The following GFRAL variants were observed in gnomAD, a reference collection of about 807,000 sequenced individuals.
GFRAL encodes the protein GDNF family receptor alpha-like.
In GFRAL, 36 loss-of-function variants were observed where a neutral mutation model predicts 45.4. The observed-to-expected ratio is 0.79, with a 90% CI of 0.61 to 1.05. The LOEUF (loss-of-function observed/expected upper bound fraction) is 1.05, where lower values mean the gene tolerates loss of function less well. Ranked by LOEUF, GFRAL falls within the 50% of genes least tolerant of loss-of-function variation. The pLI is 0.00. For synonymous variants in GFRAL, 166 were observed against 154.1 expected, an observed-to-expected ratio of 1.08 and a Z score of -0.57; for missense variants, 507 against 467.5, an observed-to-expected ratio of 1.08 and a Z score of -0.78.
chr6:55,366,896 G>A (rs1479816008), intron 6 of GFRAL, among the ~76,000 whole-genome samples: 1 of 92,444 alleles, frequency 1.1e-5, no homozygotes, highest in African/African-American at 5.6e-5. Flanking sequence ...GTGGTGTGGT[G>A]CTGAAAAAAA....
At position 55,352,160 on chromosome 6, in the gene GFRAL, G is replaced by A. The variant is rs1768126755; in HGVS notation, c.701+577G>A. Among the ~76,000 whole-genome samples the A allele has an allele frequency of 2.6e-5, 4 of 152,038 alleles. No individual in the cohort carries two copies. The South Asian group carries it at 8.3e-4, about 32-fold the overall frequency. ...CAAGCTACATGGAGTTCCCAAGGAG[G>A]CAGTTCTCCTTAGTACTTCTCATTC... is the stretch of plus-strand genomic sequence containing the variant. On this transcript the variant is annotated intron_variant, in intron 5 of 8. Transcript: ENST00000340465.
intron 3 of GFRAL, among the ~76,000 whole-genome samples, chr6:55,342,853 CA>C (rs1233701277): frequency 7.9e-5 from 12 of 151,392 alleles, no homozygotes; most frequent in South Asian, 6.3e-4. Flanking sequence ...AAATGGAAAA[CA>C]AAAAAAGGCA....
Position 55,399,219 on chromosome 6 carries a change from A to G in GFRAL, c.992A>G (p.Tyr331Cys), listed in dbSNP as rs1162760912. 5 of 1,607,026 alleles carry G rather than the reference A, an allele frequency of 3.1e-6. No individual in the cohort carries two copies. The highest frequency in any genetic ancestry group is 4.3e-6 in the Non-Finnish European group (5 of 1,175,350). ...TLSNVKGMAL[Y>C]TRKHANKITL... ...TCTAATGTCAAAGGCATGGCATTGT[A>G]TACAAGAAAACATGCAAACAAAATC... Residue 331 changes from tyrosine to cysteine, a missense_variant, in exon 7 of 9, where the codon TAT becomes TGT. Physicochemically the swap from Tyr to Cys is radical, Grantham distance 194. Transcript: ENST00000340465.
chr6:55,351,147 G>C lies in GFRAL; in HGVS notation c.371-106G>C, dbSNP rs992521826. The C allele has an allele frequency of 1.9e-5, 15 of 770,994 alleles. No homozygotes were observed. In the African/African-American group the frequency reaches 2.6e-4, roughly 13 times the overall value. 47.8% of individuals were successfully genotyped at this position (770,994 alleles called of 1,614,324 possible). A position where few individuals can be genotyped will look rare whatever the true frequency, so the allele number is the denominator to read the frequency against. ...AATGTTTGCCAAAAATAGGACATTGGTACATCATTGTATTTTGCTCATAGA... is the reference window on the plus strand; with the variant it reads ...AATGTTTGCCAAAAATAGGACATTGCTACATCATTGTATTTTGCTCATAGA... On this transcript the variant is annotated intron_variant, in intron 4 of 8. Coordinates refer to ENST00000340465, the MANE Select transcript of GFRAL (RefSeq NM_207410.2).
intron 6 of GFRAL, among the ~76,000 whole-genome samples, chr6:55,395,115 CTTTT>C (rs1408011496): frequency 6.9e-6 from 1 of 144,332 alleles, no homozygotes; most frequent in Non-Finnish European, 1.5e-5. Context: ...TGTTCTCTTT[CTTTT>C]ATTTTTTCCT....
intron 3 of GFRAL, among the ~76,000 whole-genome samples, chr6:55,349,824 A>G (rs1768092633): frequency 6.6e-6 from 1 of 151,282 alleles, no homozygotes; most frequent in Non-Finnish European, 1.5e-5. Flanking sequence ...CACACAGTCT[A>G]ATCACTAGCA....
chr6:55,330,283 A>G (rs1767812756), intron 1 of GFRAL, among the ~76,000 whole-genome samples: 1 of 152,140 alleles, frequency 6.6e-6, no homozygotes, highest in Non-Finnish European at 1.5e-5. Context: ...CATTTATTGA[A>G]TACCTATACT....
At chr6:55,378,626 G>A (rs1768565579) in intron 6 of GFRAL, among the ~76,000 whole-genome samples, 2 of 151,918 alleles carry the variant, frequency 1.3e-5, no homozygotes, top group Admixed American at 1.3e-4. Context: ...CCCACGTCTT[G>A]CCACTACCAT....
chr6:55,362,279 A>G (rs1294776608), intron 6 of GFRAL, among the ~76,000 whole-genome samples: 1 of 151,604 alleles, frequency 6.6e-6, no homozygotes, highest in Admixed American at 6.6e-5. Context: ...ATAATGAAAA[A>G]AAAAAAAACA....
chr6:55,342,262 G>A (rs1767977740), intron 3 of GFRAL, among the ~76,000 whole-genome samples: 1 of 152,144 alleles, frequency 6.6e-6, no homozygotes, highest in African/African-American at 2.4e-5. Context: ...AAATGTTAAG[G>A]GCAGCCAGAG....
chr6:55,339,007 A>G (rs115144932), intron 3 of GFRAL, among the ~76,000 whole-genome samples: 1,987 of 152,294 alleles, frequency 0.013, 22 homozygotes, highest in Non-Finnish European at 0.022. Flanking sequence ...GGTCAAGAAT[A>G]TCAGTTAAAA....
At chr6:55,380,131 T>A (rs1184425673) in intron 6 of GFRAL, among the ~76,000 whole-genome samples, 1 of 152,030 alleles carries the variant, frequency 6.6e-6, no homozygotes, top group Admixed American at 6.6e-5. Context: ...TTCCTTTGGA[T>A]GTATGCCCAG....
At chr6:55,345,870 A>G (rs1429595710) in intron 3 of GFRAL, among the ~76,000 whole-genome samples, 1 of 152,230 alleles carries the variant, frequency 6.6e-6, no homozygotes, top group African/African-American at 2.4e-5. Context: ...CCCATCAAAA[A>G]GTGAGTGAAG....
intron 3 of GFRAL, among the ~76,000 whole-genome samples, chr6:55,345,763 C>T (rs1001538847): frequency 6.6e-6 from 1 of 152,168 alleles, no homozygotes; most frequent in Non-Finnish European, 1.5e-5. Context: ...AGGCAACCTA[C>T]AGAATGGGAG....
chr6:55,346,884 A>T (rs1295072343), intron 3 of GFRAL, among the ~76,000 whole-genome samples: 1 of 142,752 alleles, frequency 7.0e-6, no homozygotes, highest in Admixed American at 7.0e-5. Context: ...GAAAAATATC[A>T]CCAAAAGAAA....
chr6:55,380,819 G>C (rs978907338), intron 6 of GFRAL, among the ~76,000 whole-genome samples: 1 of 151,958 alleles, frequency 6.6e-6, no homozygotes, highest in African/African-American at 2.4e-5. Flanking sequence ...TGGCAGCACT[G>C]TTCTTGAATT....
At chr6:55,389,632 A>G (rs2127365143) in intron 6 of GFRAL, among the ~76,000 whole-genome samples, 1 of 152,326 alleles carries the variant, frequency 6.6e-6, no homozygotes, top group Middle Eastern at 3.4e-3. Flanking sequence ...AGAAGGAAAA[A>G]CAAAAGTACA....
At chr6:55,360,190 C>A (rs1220575729) in intron 6 of GFRAL, among the ~76,000 whole-genome samples, 3 of 151,804 alleles carry the variant, frequency 2.0e-5, no homozygotes, top group Non-Finnish European at 4.4e-5. Flanking sequence ...TAATTCAAAA[C>A]CTCTCTATTA....
chr6:55,353,655 A>G (rs570569223), intron 5 of GFRAL, among the ~76,000 whole-genome samples: 21 of 152,228 alleles, frequency 1.4e-4, no homozygotes, highest in Middle Eastern at 3.4e-3. Context: ...CTTATTAGAG[A>G]AATACTACAT....
Sources: gnomAD v4.1 joint callset for allele counts (sites outside exome capture counted in the v4.1 genomes callset) on GRCh38, gnomAD v4.1.1 for gene constraint, MANE v1.5 for transcripts, NCBI Gene and HGNC (gene_info 2026-07-23, HGNC 2026-07-21) for gene names.